Variants in ESRRB observed in about 807,000 individuals in gnomAD.
ESRRB encodes estrogen related receptor beta, also known as steroid hormone receptor ERR2.
ESRRB carries 16 observed loss-of-function variants against 46.0 expected under a neutral mutation model. The observed-to-expected ratio is 0.35, with a 90% CI of 0.24 to 0.53. The LOEUF is 0.53. Among genes scored for constraint, ESRRB ranks in the 20% least tolerant of loss-of-function variants. The probability of loss-of-function intolerance (pLI) is 0.93; values close to 1 mark genes in which losing one functional copy is unlikely to be tolerated. For synonymous variants in ESRRB, 246 were observed against 259.6 expected (o/e 0.95, Z 0.50); for missense variants, 488 against 607.4 (o/e 0.80, Z 2.07).
chr14:76,405,311 T>C (rs12432983), intron 1 of ESRRB, among the ~76,000 whole-genome samples: 10,890 of 152,042 alleles, frequency 0.072, 661 homozygotes, highest in East Asian at 0.32. Flanking sequence ...AGGTTCTTGC[T>C]GTGTTGGCCA....
chr14:76,341,948 G>T (rs146904806), intron 1 of ESRRB, among the ~76,000 whole-genome samples: 8 of 152,350 alleles, frequency 5.3e-5, no homozygotes, highest in Non-Finnish European at 1.0e-4. Context: ...TGGTACTCTG[G>T]CAAGAGTCCA....
chr14:76,330,805 G>A (rs1265659269), intron 1 of ESRRB, among the ~76,000 whole-genome samples: 1 of 152,196 alleles, frequency 6.6e-6, no homozygotes, highest in African/African-American at 2.4e-5. Context: ...AGGCAGGTCT[G>A]GGGGATGGGG....
At chr14:76,442,965 C>A (rs1039431015) in intron 2 of ESRRB, among the ~76,000 whole-genome samples, 5 of 151,756 alleles carry the variant, frequency 3.3e-5, no homozygotes, top group African/African-American at 1.2e-4. Context: ...CAGGTGCTGG[C>A]CACAACACCT....
Position 76,499,614 on chromosome 14 carries a change from T to G in ESRRB, c.*1156T>G. On this transcript the variant is annotated 3_prime_UTR_variant, in exon 7 of 7. Coordinates refer to ENST00000644823, the MANE Select transcript of ESRRB (RefSeq NM_001379180.1). ...AGGAGGGGTGCCCTCCTACCACACT[T>G]GGGCTACCAGAGGTTTGGTGTAGCT... is the stretch of plus-strand genomic sequence containing the variant. 1.8e-6 allele frequency: 1 copy of G among 566,210 alleles called. No homozygotes were observed. The highest frequency in any genetic ancestry group is 3.2e-6 in the Non-Finnish European group (1 of 313,136). The allele number at this position is 566,210 out of a possible 1,614,324, so 35.1% of individuals were successfully genotyped here.
intron 1 of ESRRB, among the ~76,000 whole-genome samples, chr14:76,338,757 C>T (rs1884157001): frequency 6.6e-6 from 1 of 152,108 alleles, no homozygotes; most frequent in East Asian, 1.9e-4. Context: ...ACCAGTCTGG[C>T]CAACATGGTG....
At chr14:76,417,560 G>A (rs575479990) in intron 1 of ESRRB, among the ~76,000 whole-genome samples, 8 of 152,272 alleles carry the variant, frequency 5.3e-5, no homozygotes, top group East Asian at 1.9e-4. Context: ...GCCTGTGTGC[G>A]TGCATATGTG....
chr14:76,339,050 G>A (rs1884160401), intron 1 of ESRRB, among the ~76,000 whole-genome samples: 1 of 152,136 alleles, frequency 6.6e-6, no homozygotes, highest in African/African-American at 2.4e-5. Context: ...TTGATTTTTT[G>A]TGCCCCATCT....
chr14:76,391,166 G>A (rs1216738919), intron 1 of ESRRB, among the ~76,000 whole-genome samples: 3 of 152,170 alleles, frequency 2.0e-5, no homozygotes, highest in African/African-American at 2.4e-5. Flanking sequence ...ACAGGAAAGC[G>A]GGAAGGTAAG....
rs1030980799 is a variant in ESRRB at position 76,465,717 on chromosome 14, C to T, written c.577+3056C>T. 5.9e-5 allele frequency among the ~76,000 whole-genome samples: 9 copies of T among 152,278 alleles called. 1 individual carries two copies. Among genetic ancestry groups the T allele is most frequent in the African/African-American group, 2.2e-4 (9 of 41,560 alleles). On this transcript the variant is annotated intron_variant, in intron 3 of 6. Transcript: ENST00000644823. ...GCCTCCCAGGCAGACATGCTCGGCT[C>T]GAAAAGGCCCTTTAAGGAGTTCTGC...
chr14:76,483,612 A>G (rs1175225847), intron 5 of ESRRB, among the ~76,000 whole-genome samples: 1 of 152,154 alleles, frequency 6.6e-6, no homozygotes, highest in African/African-American at 2.4e-5. Flanking sequence ...TCTACATTAC[A>G]TACACATTGG....
intron 1 of ESRRB, among the ~76,000 whole-genome samples, chr14:76,340,862 G>A (rs931062705): frequency 3.3e-5 from 5 of 152,178 alleles, no homozygotes; most frequent in Non-Finnish European, 7.3e-5. Context: ...ATATGCTTCT[G>A]CAGTGGAGCT....
intron 1 of ESRRB, among the ~76,000 whole-genome samples, chr14:76,396,837 G>T (rs958260804): frequency 2.6e-5 from 4 of 152,230 alleles, no homozygotes; most frequent in African/African-American, 9.6e-5. Context: ...CTCGGCCTGG[G>T]TTGGCAAGGG....
At chr14:76,429,394 G>A (rs1887336917) in intron 1 of ESRRB, among the ~76,000 whole-genome samples, 1 of 152,176 alleles carries the variant, frequency 6.6e-6, no homozygotes, top group African/African-American at 2.4e-5. Context: ...AAAGCTGAAA[G>A]ATACACATAC....
intron 1 of ESRRB, among the ~76,000 whole-genome samples, chr14:76,314,988 G>C (rs79542245): frequency 0.021 from 3,179 of 152,048 alleles, 103 homozygotes; most frequent in East Asian, 0.081. Context: ...GTTTCTATTT[G>C]TTTCACGTGG....
At position 76,432,671 on chromosome 14, in the gene ESRRB, C is replaced by CTTTTTT. The variant is rs529243634; in HGVS notation, c.51-6655_51-6650dup. Among the ~76,000 whole-genome samples the CTTTTTT allele has an allele frequency of 3.6e-4, 40 of 111,472 alleles. 5 individuals are homozygous for CTTTTTT. Among genetic ancestry groups the CTTTTTT allele is most frequent in the African/African-American group, 1.5e-3 (35 of 23,054 alleles). The allele number at this position is 111,472 out of a possible 152,430, so 73.1% of individuals were successfully genotyped here. A position where few individuals can be genotyped will look rare whatever the true frequency, so the allele number is the denominator to read the frequency against. The stretch of plus-strand genomic sequence containing the variant: ...TACTGAATAAGCTATTTCTCTCTCT[C>CTTTTTT]TTTTTTTTTTTTTTTTTTTTCTGAG... On this transcript the variant is annotated intron_variant, in intron 1 of 6. Coordinates refer to ENST00000644823, the MANE Select transcript of ESRRB (RefSeq NM_001379180.1).
Position 76,439,545 on chromosome 14 carries a change from C to T in ESRRB, c.255C>T (p.Gly85=), listed in dbSNP as rs757302943. 13 of 1,613,718 alleles carry T rather than the reference C, an allele frequency of 8.1e-6. No homozygotes were observed. Among genetic ancestry groups the T allele is most frequent in the African/African-American group, 2.7e-5 (2 of 74,946 alleles). ...NGLDSPPMFA[G]AGLGGTPCRK... ...TGGACTCGCCACCCATGTTTGCAGG[C>T]GCCGGGCTGGGAGGCACCCCATGCC... The change falls in exon 2 of 7, where the codon GGC becomes GGT. Residue 85 remains glycine (G), a synonymous_variant. Coordinates refer to ENST00000644823, the MANE Select transcript of ESRRB (RefSeq NM_001379180.1).
chr14:76,313,722 A>G (rs1566848906), intron 1 of ESRRB, among the ~76,000 whole-genome samples: 4 of 152,114 alleles, frequency 2.6e-5, no homozygotes, highest in South Asian at 4.1e-4. Context: ...CTTTTTCCCT[A>G]TCACTTCACT....
intron 3 of ESRRB, among the ~76,000 whole-genome samples, chr14:76,464,896 G>A (rs189814894): frequency 7.9e-5 from 12 of 152,132 alleles, no homozygotes; most frequent in Admixed American, 2.0e-4. Context: ...CTTTCTCTCC[G>A]TGTGGTGCTG....
chr14:76,446,343 G>A (rs551467769), intron 2 of ESRRB, among the ~76,000 whole-genome samples: 1 of 147,374 alleles, frequency 6.8e-6, no homozygotes, highest in South Asian at 2.1e-4. Flanking sequence ...TCTATGCTAT[G>A]AAAGGGAGGT....
Sources: gnomAD v4.1 joint callset for allele counts (sites outside exome capture counted in the v4.1 genomes callset) on GRCh38, gnomAD v4.1.1 for gene constraint, MANE v1.5 for transcripts, NCBI Gene and HGNC (gene_info 2026-07-23, HGNC 2026-07-21) for gene names.